KCNAB1: variants seen among roughly 807,000 people sequenced by gnomAD.
The protein encoded by KCNAB1 is voltage-gated potassium channel subunit beta-1.
A neutral mutation model predicts 64.6 loss-of-function variants in KCNAB1; 35 were observed. That is an observed-to-expected ratio of 0.54 (90% CI 0.41 to 0.72). The LOEUF is 0.72. Among genes scored for constraint, KCNAB1 ranks in the 30% least tolerant of loss-of-function variants. The probability of loss-of-function intolerance (pLI) is 0.00; values close to 1 mark genes in which losing one functional copy is unlikely to be tolerated. For missense variants in KCNAB1, 401 were observed against 512.9 expected, an observed-to-expected ratio of 0.78 and a Z score of 2.11; for synonymous variants, 177 against 183.8, an observed-to-expected ratio of 0.96 and a Z score of 0.30.
intron 8 of KCNAB1, among the ~76,000 whole-genome samples, chr3:156,501,654 A>T (rs941181510): frequency 1.3e-5 from 2 of 150,714 alleles, no homozygotes; most frequent in Non-Finnish European, 3.0e-5. Context: ...CTGGTCTTGA[A>T]CTCCCGGCCT....
intron 1 of KCNAB1, among the ~76,000 whole-genome samples, chr3:156,392,214 C>G (rs969040353): frequency 1.3e-5 from 2 of 152,152 alleles, no homozygotes; most frequent in Non-Finnish European, 2.9e-5. Flanking sequence ...AGTCTCTCTA[C>G]CCAGTAGGAA....
At chr3:156,210,042 A>G (rs1714917332) in intron 1 of KCNAB1, among the ~76,000 whole-genome samples, 1 of 152,258 alleles carries the variant, frequency 6.6e-6, no homozygotes, top group Admixed American at 6.5e-5. Flanking sequence ...TCCCTGCAGG[A>G]CATCTACAAT....
intron 8 of KCNAB1, among the ~76,000 whole-genome samples, chr3:156,496,368 T>C (rs967628669): frequency 2.0e-5 from 3 of 152,150 alleles, no homozygotes; most frequent in Non-Finnish European, 4.4e-5. Context: ...GTTCTCATGA[T>C]GGTGAATAAG....
chr3:156,481,084 G>A (rs543398658), intron 8 of KCNAB1, among the ~76,000 whole-genome samples: 1 of 152,154 alleles, frequency 6.6e-6, no homozygotes, highest in South Asian at 2.1e-4. Context: ...AACAGCCCCA[G>A]GACACTTACA....
chr3:156,230,348 A>T (rs1489783944), intron 1 of KCNAB1, among the ~76,000 whole-genome samples: 1 of 152,208 alleles, frequency 6.6e-6, no homozygotes, highest in African/African-American at 2.4e-5. Context: ...AACATGCTGC[A>T]CAGCTTTGTA....
intron 8 of KCNAB1, among the ~76,000 whole-genome samples, chr3:156,501,460 C>T (rs1576946397): frequency 2.5e-5 from 3 of 119,460 alleles, no homozygotes; most frequent in South Asian, 2.8e-4. Flanking sequence ...AGAGGAGTCT[C>T]GCTCTGTTGC....
At chr3:156,383,791 G>T (rs1206122509) in intron 1 of KCNAB1, among the ~76,000 whole-genome samples, 1 of 152,196 alleles carries the variant, frequency 6.6e-6, no homozygotes, top group East Asian at 1.9e-4. Flanking sequence ...TGATTCTTTT[G>T]CCAGCTTGAT....
intron 1 of KCNAB1, among the ~76,000 whole-genome samples, chr3:156,124,962 A>C (rs1415373078): frequency 6.6e-6 from 1 of 152,070 alleles, no homozygotes; most frequent in Non-Finnish European, 1.5e-5. Context: ...ACATGGTGAA[A>C]CCTTGTCTCT....
intron 1 of KCNAB1, chr3:156,142,822 A>T: frequency 4.7e-6 from 1 of 213,510 alleles, no homozygotes; most frequent in Non-Finnish European, 8.2e-6. Flanking sequence ...CCACCAAAAT[A>T]TTTCCTTTTA....
At chr3:156,306,012 G>A (rs1468959015) in intron 1 of KCNAB1, among the ~76,000 whole-genome samples, 3 of 152,156 alleles carry the variant, frequency 2.0e-5, no homozygotes, top group African/African-American at 7.2e-5. Flanking sequence ...GGCAATGGAA[G>A]CAACATGGCT....
At chr3:156,209,462 G>T (rs1714882880) in intron 1 of KCNAB1, among the ~76,000 whole-genome samples, 1 of 152,186 alleles carries the variant, frequency 6.6e-6, no homozygotes, top group Non-Finnish European at 1.5e-5. Flanking sequence ...TCACGTCAAT[G>T]AACTTTAGTC....
chr3:156,176,163 A>G, intron 1 of KCNAB1: 1 of 772,454 alleles, frequency 1.3e-6, no homozygotes, highest in Admixed American at 1.7e-5. Flanking sequence ...TGTCCATTGC[A>G]TTGGACAAGA....
chr3:156,358,944 A>G (rs1725429766), intron 1 of KCNAB1, among the ~76,000 whole-genome samples: 1 of 152,248 alleles, frequency 6.6e-6, no homozygotes. Context: ...TATAACTACT[A>G]TATATAAAAT....
intron 1 of KCNAB1, among the ~76,000 whole-genome samples, chr3:156,410,089 C>A (rs968434852): frequency 2.0e-5 from 3 of 152,180 alleles, no homozygotes; most frequent in African/African-American, 7.2e-5. Context: ...AATGTGAGAA[C>A]GTTTGTAGAT....
intron 1 of KCNAB1, among the ~76,000 whole-genome samples, chr3:156,181,639 A>G (rs2108346663): frequency 6.6e-6 from 1 of 152,342 alleles, no homozygotes; most frequent in Admixed American, 6.5e-5. Flanking sequence ...GTACATGAAC[A>G]CAGTGAATCA....
intron 1 of KCNAB1, among the ~76,000 whole-genome samples, chr3:156,278,205 C>T (rs1344374882): frequency 1.3e-5 from 2 of 152,102 alleles, no homozygotes; most frequent in Non-Finnish European, 2.9e-5. Flanking sequence ...GCTTTTCTCA[C>T]CCGAAGAAGA....
intron 1 of KCNAB1, among the ~76,000 whole-genome samples, chr3:156,163,638 C>A (rs559725257): frequency 6.6e-6 from 1 of 152,302 alleles, no homozygotes; most frequent in East Asian, 1.9e-4. Flanking sequence ...GCATCTTGGT[C>A]TTGGTGATTA....
At chr3:156,521,144 C>T (rs1717915925) in intron 11 of KCNAB1, among the ~76,000 whole-genome samples, 1 of 152,194 alleles carries the variant, frequency 6.6e-6, no homozygotes, top group South Asian at 2.1e-4. Context: ...GTCCCTTTGA[C>T]AAATATTTAA....
chr3:156,302,099 A>G (rs965483415), intron 1 of KCNAB1, among the ~76,000 whole-genome samples: 2 of 152,096 alleles, frequency 1.3e-5, no homozygotes, highest in African/African-American at 4.8e-5. Flanking sequence ...CGGCTTCTAG[A>G]GGTTACCTGC....
Sources: allele counts gnomAD v4.1 joint callset (sites outside exome capture counted in the v4.1 genomes callset), GRCh38; gene constraint gnomAD v4.1.1; transcripts MANE v1.5; gene names NCBI Gene and HGNC (gene_info 2026-07-23, HGNC 2026-07-21).